MYRIP: variants seen among roughly 807,000 people sequenced by gnomAD.
MYRIP encodes rab effector MyRIP.
Under a neutral mutation model 98.0 loss-of-function variants are expected in MYRIP, and 49 were observed. The observed-to-expected ratio is 0.50, with a 90% CI of 0.40 to 0.63. MYRIP has a LOEUF of 0.63. Among genes scored for constraint, MYRIP ranks in the 30% least tolerant of loss-of-function variants. The pLI is 0.00. For synonymous variants in MYRIP, 404 were observed against 409.5 expected (o/e 0.99, Z 0.16); for missense variants, 1,004 against 1,058.2 (o/e 0.95, Z 0.71).
intron 3 of MYRIP, among the ~76,000 whole-genome samples, chr3:40,065,468 A>G (rs1425797022): frequency 1.3e-5 from 2 of 151,980 alleles, no homozygotes; most frequent in African/African-American, 4.8e-5. Flanking sequence ...TTTTTTTAAT[A>G]CTTGCCACTC....
At chr3:39,979,230 C>T (rs1295868878) in intron 2 of MYRIP, among the ~76,000 whole-genome samples, 2 of 152,272 alleles carry the variant, frequency 1.3e-5, no homozygotes, top group African/African-American at 2.4e-5. Flanking sequence ...AGCAATCATC[C>T]TGCCTCAGCC....
At chr3:39,840,245 G>T (rs1034698783) in intron 1 of MYRIP, among the ~76,000 whole-genome samples, 2 of 152,078 alleles carry the variant, frequency 1.3e-5, no homozygotes, top group African/African-American at 4.8e-5. Flanking sequence ...TGTCATTTTT[G>T]ATCTTTATTG....
At chr3:39,974,219 A>C (rs188257823) in intron 2 of MYRIP, among the ~76,000 whole-genome samples, 2 of 152,202 alleles carry the variant, frequency 1.3e-5, no homozygotes, top group Admixed American at 1.3e-4. Flanking sequence ...TAAAGGGGAT[A>C]TCACCACCGA....
chr3:39,821,173 CAGA>C (rs1282482969), intron 1 of MYRIP, among the ~76,000 whole-genome samples: 2 of 152,086 alleles, frequency 1.3e-5, no homozygotes, highest in Non-Finnish European at 2.9e-5. Context: ...TGGAAGGAGG[CAGA>C]AGGATGTGCT....
At chr3:40,059,662 T>C (rs1488118474) in intron 3 of MYRIP, among the ~76,000 whole-genome samples, 1 of 152,188 alleles carries the variant, frequency 6.6e-6, no homozygotes, top group Non-Finnish European at 1.5e-5. Context: ...ATTGAGTTCA[T>C]GTTTCTATTA....
At chr3:39,971,836 G>T (rs1296245761) in intron 2 of MYRIP, among the ~76,000 whole-genome samples, 1 of 152,178 alleles carries the variant, frequency 6.6e-6, no homozygotes, top group South Asian at 2.1e-4. Context: ...ATAAAACCAG[G>T]TTGGAGGTTT....
chr3:39,913,751 A>G (rs1198642647), intron 2 of MYRIP, among the ~76,000 whole-genome samples: 1 of 152,202 alleles, frequency 6.6e-6, no homozygotes, highest in Non-Finnish European at 1.5e-5. Flanking sequence ...AAAACAGACC[A>G]GAAGGATACA....
At chr3:40,160,495 G>C (rs914248784) in intron 4 of MYRIP, among the ~76,000 whole-genome samples, 1 of 152,218 alleles carries the variant, frequency 6.6e-6, no homozygotes, top group Admixed American at 6.5e-5. Flanking sequence ...AGGCAGGCAG[G>C]CCTCCTTGAG....
At chr3:39,974,748 T>C (rs924827943) in intron 2 of MYRIP, among the ~76,000 whole-genome samples, 2 of 152,096 alleles carry the variant, frequency 1.3e-5, no homozygotes, top group African/African-American at 4.8e-5. Flanking sequence ...GTTCAACATA[T>C]GCAAATCAAT....
intron 11 of MYRIP, among the ~76,000 whole-genome samples, chr3:40,210,806 G>A (rs770348522): frequency 6.6e-6 from 1 of 152,014 alleles, no homozygotes; most frequent in Non-Finnish European, 1.5e-5. Flanking sequence ...TCAACCTCTG[G>A]CATAAAAGAA....
At chr3:39,900,369 CAT>C (rs1019350987) in intron 1 of MYRIP, among the ~76,000 whole-genome samples, 5 of 151,150 alleles carry the variant, frequency 3.3e-5, no homozygotes, top group South Asian at 2.1e-4. Context: ...TATAAATTAA[CAT>C]ATTTTTATTT....
intron 1 of MYRIP, among the ~76,000 whole-genome samples, chr3:39,856,866 A>G (rs1942311240): frequency 6.6e-6 from 1 of 152,214 alleles, no homozygotes; most frequent in South Asian, 2.1e-4. Flanking sequence ...TAAAGAATCA[A>G]GGAAACGCGG....
At chr3:40,056,805 G>A (rs1369427336) in intron 3 of MYRIP, among the ~76,000 whole-genome samples, 2 of 152,150 alleles carry the variant, frequency 1.3e-5, no homozygotes, top group Admixed American at 1.3e-4. Flanking sequence ...AATGAAGCAG[G>A]TTGGGTACCT....
In MYRIP at chr3:40,044,199, ATGTCTGCAAGAGCTGC is replaced by A; in HGVS notation, c.263_278del (p.Val88AlafsTer21). 1 of 1,614,136 alleles carries A rather than the reference ATGTCTGCAAGAGCTGC, an allele frequency of 6.2e-7. No individual in the cohort carries two copies. The highest frequency in any genetic ancestry group is 8.5e-7 in the Non-Finnish European group (1 of 1,180,016). ...CGCCAGTGTGGAGATTGCAAATTCA[ATGTCTGCAAGAGCTGC>A]TGCTCCTACCAGAAGCACGAAAAGG... On this transcript the variant is annotated frameshift_variant, in exon 3 of 17. Transcript: ENST00000302541. LOFTEE classifies it high-confidence loss of function.
chr3:39,856,994 A>G (rs1157543555), intron 1 of MYRIP, among the ~76,000 whole-genome samples: 1 of 152,176 alleles, frequency 6.6e-6, no homozygotes, highest in Non-Finnish European at 1.5e-5. Flanking sequence ...GCACTTTGGG[A>G]GGATTCTTTG....
intron 2 of MYRIP, among the ~76,000 whole-genome samples, chr3:40,021,251 G>A (rs1464883629): frequency 6.6e-6 from 1 of 152,028 alleles, no homozygotes; most frequent in East Asian, 1.9e-4. Flanking sequence ...CAGTAATAAG[G>A]GAATTTCCAG....
chr3:39,946,961 C>T (rs1196051518), intron 2 of MYRIP, among the ~76,000 whole-genome samples: 1 of 152,002 alleles, frequency 6.6e-6, no homozygotes, highest in Non-Finnish European at 1.5e-5. Flanking sequence ...AGTTGGAATT[C>T]GCTAAAGGCG....
intron 2 of MYRIP, among the ~76,000 whole-genome samples, chr3:40,035,716 A>T (rs111488901): frequency 0.016 from 2,454 of 152,144 alleles, 57 homozygotes; most frequent in African/African-American, 0.056. Flanking sequence ...AAAATCAGTA[A>T]AATTTCTATT....
At chr3:40,220,775 G>A (rs561499770) in intron 11 of MYRIP, among the ~76,000 whole-genome samples, 5 of 152,122 alleles carry the variant, frequency 3.3e-5, no homozygotes, top group Admixed American at 3.3e-4. Flanking sequence ...GGGGAAGCAG[G>A]CATGTCTTAC....
Sources: allele counts gnomAD v4.1 joint callset (sites outside exome capture counted in the v4.1 genomes callset), GRCh38; gene constraint gnomAD v4.1.1; transcripts MANE v1.5; gene names NCBI Gene and HGNC (gene_info 2026-07-23, HGNC 2026-07-21).